The following FBXL17 variants were observed in gnomAD, a reference collection of about 807,000 sequenced individuals.
FBXL17 encodes the protein F-box/LRR-repeat protein 17.
A neutral mutation model predicts 66.2 loss-of-function variants in FBXL17; 22 were observed. The ratio of observed to expected loss-of-function variants is 0.33; its 90% CI spans 0.24 to 0.47. The LOEUF (loss-of-function observed/expected upper bound fraction) is 0.47. Ranked by LOEUF, FBXL17 falls within the 20% of genes least tolerant of loss-of-function variation. FBXL17 has a pLI of 1.00. For missense variants in FBXL17, 878 were observed against 948.2 expected, an observed-to-expected ratio of 0.93 and a Z score of 0.97; for synonymous variants, 474 against 400.5, an observed-to-expected ratio of 1.18 and a Z score of -2.19.
intron 6 of FBXL17, among the ~76,000 whole-genome samples, chr5:108,173,014 TG>T (rs1752665318): frequency 6.6e-6 from 1 of 151,918 alleles, no homozygotes; most frequent in Non-Finnish European, 1.5e-5. Context: ...TTGGTCAGGC[TG>T]CTCTCGAACT....
intron 7 of FBXL17, among the ~76,000 whole-genome samples, chr5:107,953,931 T>G (rs916843623): frequency 6.6e-6 from 1 of 152,248 alleles, no homozygotes; most frequent in African/African-American, 2.4e-5. Context: ...ATTTTGATAC[T>G]TAATCATATA....
chr5:107,870,702 C>T (rs1325407373), intron 8 of FBXL17, among the ~76,000 whole-genome samples: 2 of 151,872 alleles, frequency 1.3e-5, no homozygotes, highest in African/African-American at 2.4e-5. Context: ...TCTCCTGCCT[C>T]AGCCTCCCAA....
intron 8 of FBXL17, among the ~76,000 whole-genome samples, chr5:107,868,393 T>C (rs895823264): frequency 3.9e-5 from 6 of 152,264 alleles, no homozygotes; most frequent in Non-Finnish European, 8.8e-5. Context: ...ATGTAAATTA[T>C]AATGGATCTC....
At chr5:107,878,123 T>C (rs986628498) in intron 8 of FBXL17, 7 of 536,534 alleles carry the variant, frequency 1.3e-5, no homozygotes, top group Non-Finnish European at 1.7e-5. Context: ...GTTTTTCCAT[T>C]GCAAAGTGTG....
chr5:108,370,164 C>T (rs1306086606), intron 1 of FBXL17, among the ~76,000 whole-genome samples: 1 of 152,176 alleles, frequency 6.6e-6, no homozygotes, highest in Admixed American at 6.5e-5. Flanking sequence ...AACATGCAAA[C>T]TCTACATAGA....
intron 8 of FBXL17, chr5:107,880,097 T>A (rs969876705): frequency 1.8e-5 from 4 of 223,452 alleles, no homozygotes; most frequent in African/African-American, 9.4e-5. Context: ...GACACAGTCG[T>A]GCTCCGTCAT....
chr5:107,859,103 G>A lies in FBXL17; in HGVS notation c.*2617C>T, dbSNP rs1375617622. On this transcript the variant is annotated 3_prime_UTR_variant, in exon 9 of 9. Transcript: ENST00000542267. ...CACGGAAATATAGAAACTACAAACC[G>A]GGTGAATTTTCTTTATCCACTCAAA... 1 of 152,028 alleles carries A rather than the reference G, an allele frequency of 6.6e-6. No homozygotes were observed. Among genetic ancestry groups the A allele is most frequent in the Admixed American group, 6.6e-5 (1 of 15,266 alleles). 9.4% of individuals were successfully genotyped at this position (152,028 alleles called of 1,614,324 possible).
chr5:108,099,656 T>C (rs1749528539), intron 6 of FBXL17, among the ~76,000 whole-genome samples: 2 of 152,150 alleles, frequency 1.3e-5, no homozygotes, highest in Non-Finnish European at 2.9e-5. Context: ...ACTTTCCTTC[T>C]GGTATAGGGA....
intron 7 of FBXL17, among the ~76,000 whole-genome samples, chr5:107,896,202 T>A (rs1301361035): frequency 6.6e-6 from 1 of 152,180 alleles, no homozygotes; most frequent in African/African-American, 2.4e-5. Context: ...TTATTTCGTT[T>A]AAGAATTATG....
At chr5:107,902,122 T>C (rs1204452639) in intron 7 of FBXL17, among the ~76,000 whole-genome samples, 1 of 151,960 alleles carries the variant, frequency 6.6e-6, no homozygotes, top group South Asian at 2.1e-4. Flanking sequence ...GCCCATGGAG[T>C]TTGGAATCTC....
chr5:108,244,722 C>T (rs758120098), intron 4 of FBXL17, among the ~76,000 whole-genome samples: 4 of 152,114 alleles, frequency 2.6e-5, no homozygotes, highest in African/African-American at 9.7e-5. Context: ...GACAACAATA[C>T]ATAAACTGTC....
chr5:107,950,087 C>T (rs1274214969), intron 7 of FBXL17, among the ~76,000 whole-genome samples: 1 of 152,022 alleles, frequency 6.6e-6, no homozygotes, highest in Admixed American at 6.6e-5. Flanking sequence ...TGAAAGTGTA[C>T]GATTTCCTGG....
intron 4 of FBXL17, among the ~76,000 whole-genome samples, chr5:108,232,782 C>CATAT (rs34650348): frequency 0.022 from 1,701 of 78,066 alleles, 176 homozygotes; most frequent in African/African-American, 0.058. Flanking sequence ...TAAGCTCTCA[C>CATAT]ATATATATAT....
chr5:108,033,032 T>C (rs554538636), intron 6 of FBXL17, among the ~76,000 whole-genome samples: 1 of 152,282 alleles, frequency 6.6e-6, no homozygotes, highest in African/African-American at 2.4e-5. Flanking sequence ...TTCCAAAAGG[T>C]ATGTATTTAA....
At chr5:107,879,544 G>T in intron 8 of FBXL17, 1 of 985,378 alleles carries the variant, frequency 1.0e-6, no homozygotes, top group Non-Finnish European at 1.2e-6. Context: ...AACATAACTA[G>T]CTGGCAAAGG....
intron 6 of FBXL17, among the ~76,000 whole-genome samples, chr5:108,068,462 G>A (rs201348573): frequency 1.3e-5 from 2 of 149,472 alleles, no homozygotes; most frequent in Non-Finnish European, 3.0e-5. Context: ...TTTTTTTGGG[G>A]GGGGGGCGGG....
At chr5:107,907,062 T>A (rs530261763) in intron 7 of FBXL17, among the ~76,000 whole-genome samples, 1 of 152,294 alleles carries the variant, frequency 6.6e-6, no homozygotes, top group African/African-American at 2.4e-5. Context: ...AAAACTCCCA[T>A]GACATATATA....
chr5:108,288,401 GTA>G (rs1187382021), intron 4 of FBXL17, among the ~76,000 whole-genome samples: 2 of 151,730 alleles, frequency 1.3e-5, no homozygotes, highest in Non-Finnish European at 2.9e-5. Context: ...CTGGCCCGAT[GTA>G]AGGTTGCCAC....
intron 4 of FBXL17, among the ~76,000 whole-genome samples, chr5:108,231,119 C>G (rs893848469): frequency 2.0e-5 from 3 of 152,086 alleles, no homozygotes; most frequent in African/African-American, 7.2e-5. Flanking sequence ...AACTAAATGG[C>G]TATGCCATAA....
Sources: allele counts gnomAD v4.1 joint callset (sites outside exome capture counted in the v4.1 genomes callset), GRCh38; gene constraint gnomAD v4.1.1; transcripts MANE v1.5; gene names NCBI Gene and HGNC (gene_info 2026-07-23, HGNC 2026-07-21).